Variants in MGST3 observed in about 807,000 individuals in gnomAD.
MGST3 encodes the protein glutathione S-transferase 3, mitochondrial.
A neutral mutation model predicts 15.8 loss-of-function variants in MGST3; 13 were observed. That is an observed-to-expected ratio of 0.82 (90% CI 0.54 to 1.31). MGST3 has a LOEUF of 1.31. MGST3 is among the 50% of genes most tolerant of loss of function. The pLI is 0.00. For missense variants in MGST3, 155 were observed against 192.4 expected, an observed-to-expected ratio of 0.81 and a Z score of 1.15; for synonymous variants, 49 against 68.1, an observed-to-expected ratio of 0.72 and a Z score of 1.38.
intron 1 of MGST3, chr1:165,635,963 T>C (rs970028889): frequency 6.6e-6 from 1 of 152,226 alleles, no homozygotes; most frequent in African/African-American, 2.4e-5. Context: ...GAATATGCAA[T>C]GCAATTGTCG....
At chr1:165,648,112 G>A (rs1439348807) in intron 1 of MGST3, among the ~76,000 whole-genome samples, 2 of 152,204 alleles carry the variant, frequency 1.3e-5, no homozygotes, top group Non-Finnish European at 2.9e-5. Context: ...TCCTCATGCT[G>A]ACTTTCTACA....
intron 1 of MGST3, among the ~76,000 whole-genome samples, chr1:165,634,042 T>C (rs1392259430): frequency 3.4e-5 from 5 of 147,588 alleles, no homozygotes; most frequent in Admixed American, 6.8e-5. Context: ...TTTTTTTTTT[T>C]CTCCTTCCAA....
At chr1:165,647,572 G>A (rs1011773307) in intron 1 of MGST3, 2 of 152,078 alleles carry the variant, frequency 1.3e-5, no homozygotes, top group Admixed American at 1.3e-4. Context: ...AAAAGTGCTG[G>A]GCTGACACAA....
intron 4 of MGST3, among the ~76,000 whole-genome samples, chr1:165,652,599 G>C (rs4314865): frequency 0.049 from 7,519 of 152,226 alleles, 255 homozygotes; most frequent in Middle Eastern, 0.11. Flanking sequence ...GGTCAGGGAG[G>C]GGGGCTTTGC....
chr1:165,635,549 C>T (rs771477128), intron 1 of MGST3, among the ~76,000 whole-genome samples: 1 of 152,158 alleles, frequency 6.6e-6, no homozygotes, highest in Non-Finnish European at 1.5e-5. Context: ...CTGATCTTCC[C>T]TCCCCCACTC....
chr1:165,644,655 C>T (rs1648346546), intron 1 of MGST3, among the ~76,000 whole-genome samples: 1 of 152,168 alleles, frequency 6.6e-6, no homozygotes, highest in Non-Finnish European at 1.5e-5. Context: ...ATTACTGAAG[C>T]TTTTTTACTA....
At chr1:165,639,219 C>T (rs528491702) in intron 1 of MGST3, among the ~76,000 whole-genome samples, 2 of 152,238 alleles carry the variant, frequency 1.3e-5, no homozygotes, top group Admixed American at 1.3e-4. Context: ...AGAGGACTTT[C>T]CCCTCGGTGC....
At position 165,652,133 on chromosome 1, in the gene MGST3, G is replaced by A. The variant is rs1648578532; in HGVS notation, c.249+98G>A. On this transcript the variant is annotated intron_variant, in intron 4 of 5. Transcript: ENST00000367889. The stretch of plus-strand genomic sequence containing the variant: ...AATAAACATTTAATGAATATCTTCA[G>A]TGTCTAGGCACTGCATATTTAAAAG... The A allele has an allele frequency of 4.5e-6, 4 of 881,526 alleles. No homozygotes were observed. The South Asian group carries it at 5.3e-5, about 12-fold the overall frequency. The allele number at this position is 881,526 out of a possible 1,614,324, so 54.6% of individuals were successfully genotyped here.
intron 1 of MGST3, chr1:165,646,011 C>T (rs558617170): frequency 6.6e-6 from 1 of 152,316 alleles, no homozygotes; most frequent in Non-Finnish European, 1.5e-5. Flanking sequence ...GCAAAGTTCC[C>T]ACTCTCAAGA....
intron 4 of MGST3, chr1:165,653,832 C>A (rs1265100499): frequency 4.1e-6 from 1 of 241,426 alleles, no homozygotes; most frequent in East Asian, 1.1e-4. Context: ...TGACTGACTT[C>A]ACATAGAACA....
chr1:165,652,103 A>G (rs1648577839), intron 4 of MGST3, 68 bp downstream of exon 4: 2 of 1,110,930 alleles, frequency 1.8e-6, no homozygotes, highest in Non-Finnish European at 2.8e-6. Flanking sequence ...GGGACAGAAG[A>G]AGGAAATAAA....
rs9333436 is a variant in MGST3, at chr1:165,642,357, T to C, written c.-7-7484T>C. 6.1e-3 allele frequency among the ~76,000 whole-genome samples: 931 copies of C among 152,308 alleles called. 3 individuals are homozygous for C. Among genetic ancestry groups the C allele is most frequent in the Non-Finnish European group, 0.01 (681 of 68,012 alleles). The stretch of plus-strand genomic sequence containing the variant: ...AGTTTGAATGACTGCAGCTTCCGGA[T>C]GTCCATAGTCAGTGCTAAAATCCTG... On this transcript the variant is annotated intron_variant, in intron 1 of 5. Coordinates refer to ENST00000367889, the MANE Select transcript of MGST3 (RefSeq NM_004528.4).
At chr1:165,650,929 A>G in intron 2 of MGST3, 85 bp from the exon 3 acceptor site, 1 of 1,138,286 alleles carries the variant, frequency 8.8e-7, no homozygotes, top group Admixed American at 1.7e-5. Context: ...ATACTTTGGA[A>G]TATATTGTTT....
rs779960742 is a variant in MGST3 at position 165,654,318 on chromosome 1, C to A, written c.289C>A (p.Arg97=). 4.3e-6 allele frequency: 7 copies of A among 1,614,016 alleles called. No individual in the cohort carries two copies. Among genetic ancestry groups the A allele is most frequent in the Non-Finnish European group, 5.9e-6 (7 of 1,179,970 alleles). The change falls in exon 5 of 6, where the codon CGA becomes AGA. Residue 97 remains arginine (R), a synonymous_variant. Coordinates refer to ENST00000367889, the MANE Select transcript of MGST3 (RefSeq NM_004528.4). The part of the protein sequence containing the change: ...SGLGLAWIVG[R]VLYAYGYYTG... ...CCTGGGCTTGGCCTGGATTGTTGGACGAGTTCTTTATGCTTATGGCTATTA... is the reference window on the plus strand; with the variant it reads ...CCTGGGCTTGGCCTGGATTGTTGGAAGAGTTCTTTATGCTTATGGCTATTA...
Position 165,649,837 on chromosome 1 carries a change from A to G in MGST3, c.-7-4A>G. On this transcript the variant is annotated splice_polypyrimidine_tract_variant and splice_region_variant and intron_variant, in intron 1 of 5. Transcript: ENST00000367889. Reference sequence around the variant, plus strand: ...GCCGTCCCAACGTGTTCTTTCTTCCACAGACGCAAGATGGCTGTCCTCTCT... The same window carrying G: ...GCCGTCCCAACGTGTTCTTTCTTCCGCAGACGCAAGATGGCTGTCCTCTCT... The G allele has an allele frequency of 6.2e-7, 1 of 1,613,972 alleles. No homozygotes were observed. The highest frequency in any genetic ancestry group is 8.5e-7 in the Non-Finnish European group (1 of 1,179,990).
At chr1:165,632,663 A>G (rs901993552) in intron 1 of MGST3, among the ~76,000 whole-genome samples, 2 of 151,918 alleles carry the variant, frequency 1.3e-5, no homozygotes, top group African/African-American at 4.8e-5. Flanking sequence ...CTGCAGGGAG[A>G]CTGTCGCCAA....
rs9333419 is a variant in MGST3 at position 165,641,035 on chromosome 1, G to T, written c.-7-8806G>T. Among the ~76,000 whole-genome samples the T allele has an allele frequency of 9.8e-3, 1,498 of 152,180 alleles. 52 individuals carry two copies. The highest frequency in any genetic ancestry group is 0.059 in the Admixed American group (905 of 15,290). ...CCGTCTCTACTAAAAATACAAAAAT[G>T]AGCCTGGTGTGATGGTGGGCACCTA... is the stretch of plus-strand genomic sequence containing the variant. On this transcript the variant is annotated intron_variant, in intron 1 of 5. Transcript: ENST00000367889.
chr1:165,645,935 A>AAG (rs1648385382), intron 1 of MGST3: 1 of 152,252 alleles, frequency 6.6e-6, no homozygotes, highest in African/African-American at 2.4e-5. Flanking sequence ...CCTGTATTAA[A>AAG]GTTCAGCTCA....
chr1:165,650,169 G>C lies in MGST3; in HGVS notation c.117+205G>C. ...CCTGCTAGGGAGTAGTTTCCATCTT[G>C]TTTGACTTTGTCTCTTCGGTAGAAA... On this transcript the variant is annotated intron_variant, in intron 2 of 5. Transcript: ENST00000367889. 12 of 645,104 alleles carry C rather than the reference G, an allele frequency of 1.9e-5. No individual in the cohort carries two copies. The South Asian group carries it at 2.3e-4, about 12-fold the overall frequency. 40.0% of individuals were successfully genotyped at this position (645,104 alleles called of 1,614,324 possible). A position where few individuals can be genotyped will look rare whatever the true frequency, so the allele number is the denominator to read the frequency against.
Sources: gnomAD v4.1 joint callset for allele counts (sites outside exome capture counted in the v4.1 genomes callset) on GRCh38, gnomAD v4.1.1 for gene constraint, MANE v1.5 for transcripts, NCBI Gene and HGNC (gene_info 2026-07-23, HGNC 2026-07-21) for gene names.